The following PRKD1 variants were observed in gnomAD, a reference collection of about 807,000 sequenced individuals.
The protein encoded by PRKD1 is serine/threonine-protein kinase D1.
A neutral mutation model predicts 95.9 loss-of-function variants in PRKD1; 63 were observed. That is an observed-to-expected ratio of 0.66 (90% CI 0.54 to 0.81). The LOEUF (loss-of-function observed/expected upper bound fraction) is 0.81, where lower values mean the gene tolerates loss of function less well. PRKD1 is among the 30% of genes least tolerant of loss of function. The pLI is 0.00. For synonymous variants in PRKD1, 425 were observed against 423.1 expected (o/e 1.00, Z -0.05); for missense variants, 1,048 against 1,165.3 (o/e 0.90, Z 1.47).
intron 1 of PRKD1, among the ~76,000 whole-genome samples, chr14:29,924,790 A>G (rs993127634): frequency 2.6e-5 from 4 of 151,524 alleles, no homozygotes; most frequent in Non-Finnish European, 2.9e-5. Flanking sequence ...AGACAAAAGA[A>G]CTCCCTCCCA....
intron 13 of PRKD1, among the ~76,000 whole-genome samples, chr14:29,617,585 A>G (rs1004937966): frequency 6.6e-6 from 1 of 152,214 alleles, no homozygotes; most frequent in African/African-American, 2.4e-5. Context: ...AAGTTGCAAT[A>G]CAAGAAAAGG....
At chr14:29,823,645 G>A (rs1891003072) in intron 1 of PRKD1, among the ~76,000 whole-genome samples, 1 of 152,022 alleles carries the variant, frequency 6.6e-6, no homozygotes, top group African/African-American at 2.4e-5. Context: ...TGACATAAAA[G>A]GCAAGAAGGT....
At chr14:29,815,896 A>G (rs1439553967) in intron 1 of PRKD1, among the ~76,000 whole-genome samples, 2 of 152,178 alleles carry the variant, frequency 1.3e-5, no homozygotes, top group African/African-American at 4.8e-5. Flanking sequence ...CAATATAGGT[A>G]TAAGCAAAGG....
At chr14:29,623,322 T>C (rs955686895) in intron 13 of PRKD1, among the ~76,000 whole-genome samples, 2 of 152,198 alleles carry the variant, frequency 1.3e-5, no homozygotes, top group African/African-American at 2.4e-5. Context: ...TTCAGGTTTT[T>C]ATCATATGAA....
intron 1 of PRKD1, among the ~76,000 whole-genome samples, chr14:29,887,912 G>A (rs556190663): frequency 1.3e-5 from 2 of 152,288 alleles, no homozygotes; most frequent in African/African-American, 4.8e-5. Flanking sequence ...ACATTTCTCA[G>A]AATGTATCCT....
chr14:29,917,519 G>A (rs1228605991), intron 1 of PRKD1, among the ~76,000 whole-genome samples: 2 of 152,012 alleles, frequency 1.3e-5, no homozygotes, highest in Non-Finnish European at 2.9e-5. Context: ...AATGATACAT[G>A]GATTTCATAT....
At position 29,599,025 on chromosome 14, in the gene PRKD1, G is replaced by A; in HGVS notation, c.2166+2C>T. ...TTTGCTGAGAGAGGCTTTTATACTT[G>A]CCTGAGGAAAAGGATCAGCTGAGGC... On this transcript the variant is annotated splice_donor_variant, in intron 15 of 17. Transcript: ENST00000331968. LOFTEE classifies it low-confidence loss of function (GC_TO_GT_DONOR). 1.9e-6 allele frequency: 3 copies of A among 1,609,536 alleles called. No homozygotes were observed. The highest frequency in any genetic ancestry group is 1.7e-6 in the Non-Finnish European group (2 of 1,175,978).
chr14:29,616,634 A>G (rs1469173653), intron 13 of PRKD1, among the ~76,000 whole-genome samples: 1 of 152,020 alleles, frequency 6.6e-6, no homozygotes, highest in Non-Finnish European at 1.5e-5. Context: ...ATACAGATTT[A>G]TTACCTTACA....
In PRKD1 at chr14:29,749,430, G is replaced by T. The variant is rs371234397; in HGVS notation, c.265-23756C>A. Reference sequence around the variant, plus strand: ...GTAGTATGTGTGTGTGCCTGTGCTGGGGACGGCACACAGGGGTCACTCTTC... The same window carrying T: ...GTAGTATGTGTGTGTGCCTGTGCTGTGGACGGCACACAGGGGTCACTCTTC... On this transcript the variant is annotated intron_variant, in intron 1 of 17. Transcript: ENST00000331968. Among the ~76,000 whole-genome samples the T allele has an allele frequency of 1.8e-4, 27 of 152,254 alleles. No homozygotes were observed. In the South Asian group the frequency reaches 5.0e-3, roughly 28 times the overall value.
chr14:29,868,833 T>A lies in PRKD1; in HGVS notation c.264+58416A>T, dbSNP rs143522010. On this transcript the variant is annotated intron_variant, in intron 1 of 17. Transcript: ENST00000331968. ...TATCAAGTTATTATTCTAGTTCCTA[T>A]GGAAACATGCATTCTACTTACTGAG... 2.0e-3 allele frequency among the ~76,000 whole-genome samples: 304 copies of A among 152,302 alleles called. 1 individual carries two copies. Among genetic ancestry groups the A allele is most frequent in the Non-Finnish European group, 3.1e-3 (212 of 68,030 alleles).
chr14:29,667,559 T>C (rs895287810), intron 2 of PRKD1, among the ~76,000 whole-genome samples: 4 of 152,170 alleles, frequency 2.6e-5, no homozygotes, highest in Non-Finnish European at 4.4e-5. Flanking sequence ...TCACCTACTT[T>C]GGTGGTTTGG....
chr14:29,896,365 TAC>T (rs71443337), intron 1 of PRKD1, among the ~76,000 whole-genome samples: 144 of 147,632 alleles, frequency 9.8e-4, no homozygotes, highest in South Asian at 3.0e-3. Context: ...CATGTGTGTG[TAC>T]ACACACACAC....
chr14:29,600,911 T>C (rs1239160649), intron 13 of PRKD1, among the ~76,000 whole-genome samples: 1 of 150,434 alleles, frequency 6.6e-6, no homozygotes, highest in Non-Finnish European at 1.5e-5. Context: ...CAACAACAAA[T>C]CCTAACATTA....
In PRKD1 at chr14:29,599,225, A is replaced by G. The variant is rs535619265; in HGVS notation, c.2068-100T>C. 47 of 955,164 alleles carry G rather than the reference A, an allele frequency of 4.9e-5. 1 individual carries two copies. Among genetic ancestry groups the G allele is most frequent in the Admixed American group, 1.1e-4 (5 of 46,272 alleles). The allele number at this position is 955,164 out of a possible 1,614,324, so 59.2% of individuals were successfully genotyped here. A position where few individuals can be genotyped will look rare whatever the true frequency, so the allele number is the denominator to read the frequency against. On this transcript the variant is annotated intron_variant, in intron 14 of 17. Coordinates refer to ENST00000331968, the MANE Select transcript of PRKD1 (RefSeq NM_002742.3). ...GAAAAAAAACTGACAATGGACATTC[A>G]AATTTCTTTATGTTAAAGACACTGA...
chr14:29,914,071 C>T (rs1410497570), intron 1 of PRKD1, among the ~76,000 whole-genome samples: 1 of 152,202 alleles, frequency 6.6e-6, no homozygotes, highest in Non-Finnish European at 1.5e-5. Flanking sequence ...TCATTCAGGG[C>T]AGGAACCGTT....
chr14:29,588,816 GTGTGTGTGTGTGTGTGTT>G (rs1248781711), intron 16 of PRKD1, among the ~76,000 whole-genome samples: 11 of 148,940 alleles, frequency 7.4e-5, no homozygotes, highest in African/African-American at 2.8e-4. Context: ...GTGTGTGTGT[GTGTGTGTGTGTGTGTGTT>G]TGTGTCACCA....
At chr14:29,819,763 T>C (rs1890837040) in intron 1 of PRKD1, among the ~76,000 whole-genome samples, 1 of 152,192 alleles carries the variant, frequency 6.6e-6, no homozygotes, top group African/African-American at 2.4e-5. Flanking sequence ...AATGTTTAGA[T>C]GAATCTAGGT....
intron 2 of PRKD1, among the ~76,000 whole-genome samples, chr14:29,719,070 A>C (rs1885760149): frequency 6.6e-6 from 1 of 152,084 alleles, no homozygotes; most frequent in African/African-American, 2.4e-5. Flanking sequence ...AAGAAAAAAG[A>C]AGCTTAATAA....
intron 1 of PRKD1, among the ~76,000 whole-genome samples, chr14:29,810,087 T>G (rs867729806): frequency 6.6e-6 from 1 of 152,182 alleles, no homozygotes; most frequent in Non-Finnish European, 1.5e-5. Flanking sequence ...ACACACACAC[T>G]TAAGTTCGCT....
Sources: allele counts gnomAD v4.1 joint callset (sites outside exome capture counted in the v4.1 genomes callset), GRCh38; gene constraint gnomAD v4.1.1; transcripts MANE v1.5; gene names NCBI Gene and HGNC (gene_info 2026-07-23, HGNC 2026-07-21).